The following PAFAH1B1 variants were observed in gnomAD, a reference collection of about 807,000 sequenced individuals.
The protein encoded by PAFAH1B1 is platelet activating factor acetylhydrolase 1b regulatory subunit 1, also known as platelet-activating factor acetylhydrolase IB subunit beta.
A neutral mutation model predicts 57.5 loss-of-function variants in PAFAH1B1; 2 were observed. That is an observed-to-expected ratio of 0.03 (90% confidence interval 0.01 to 0.11). PAFAH1B1 has a LOEUF of 0.11. Among genes scored for constraint, PAFAH1B1 ranks in the 10% least tolerant of loss-of-function variants. The probability of loss-of-function intolerance (pLI) is 1.00; values close to 1 mark genes in which losing one functional copy is unlikely to be tolerated. For synonymous variants in PAFAH1B1, 152 were observed against 169.6 expected, an observed-to-expected ratio of 0.90 and a Z score of 0.81; for missense variants, 257 against 512.0, an observed-to-expected ratio of 0.50 and a Z score of 4.81.
At chr17:2,629,831 A>G (rs556242237) in intron 1 of PAFAH1B1, among the ~76,000 whole-genome samples, 9 of 152,340 alleles carry the variant, frequency 5.9e-5, no homozygotes, top group Non-Finnish European at 1.3e-4. Context: ...TTACTATTAT[A>G]TAACGTCCCT....
chr17:2,603,650 T>A (rs1261361027), intron 1 of PAFAH1B1, among the ~76,000 whole-genome samples: 2 of 151,838 alleles, frequency 1.3e-5, no homozygotes, highest in East Asian at 3.9e-4. Flanking sequence ...TGTATATATG[T>A]ATACACACAC....
chr17:2,603,602 A>C (rs1455933900), intron 1 of PAFAH1B1, among the ~76,000 whole-genome samples: 1 of 152,142 alleles, frequency 6.6e-6, no homozygotes, highest in Non-Finnish European at 1.5e-5. Context: ...GCCTGGGCAA[A>C]AAGAGCAAAA....
At chr17:2,648,189 A>C (rs193286003) in intron 2 of PAFAH1B1, among the ~76,000 whole-genome samples, 54 of 152,170 alleles carry the variant, frequency 3.5e-4, no homozygotes, top group Non-Finnish European at 6.5e-4. Context: ...AAGCCATTAG[A>C]TCTCATGAGA....
At chr17:2,665,622 G>A (rs1356316435) in intron 3 of PAFAH1B1, among the ~76,000 whole-genome samples, 166 bp downstream of exon 3, 2 of 151,224 alleles carry the variant, frequency 1.3e-5, no homozygotes, top group Non-Finnish European at 2.9e-5. Flanking sequence ...TAATTTTTGA[G>A]ATGGAGTCTC....
At position 2,684,410 on chromosome 17, in the gene PAFAH1B1, CTTTTAT is replaced by C. The variant is rs1567566629; in HGVS notation, c.*2610_*2615del. 1 of 152,574 alleles carries C rather than the reference CTTTTAT, an allele frequency of 6.6e-6. No individual in the cohort carries two copies. The allele number at this position is 152,574 out of a possible 1,614,324, so 9.5% of individuals were successfully genotyped here. On this transcript the variant is annotated 3_prime_UTR_variant, in exon 11 of 11. Transcript: ENST00000397195. ...ACTGGTTTGGATTGTAAGTAGAGGACTTTTATTAATTGGTTTAGAGGTTCACTGCTG... is the reference window on the plus strand; with the variant it reads ...ACTGGTTTGGATTGTAAGTAGAGGACTAATTGGTTTAGAGGTTCACTGCTG...
intron 2 of PAFAH1B1, among the ~76,000 whole-genome samples, chr17:2,655,486 C>T (rs1282305944): frequency 6.6e-6 from 1 of 152,060 alleles, no homozygotes; most frequent in East Asian, 1.9e-4. Context: ...TCAGCCTGAC[C>T]AACATGGAGA....
chr17:2,611,842 T>C (rs1253888258), intron 1 of PAFAH1B1, among the ~76,000 whole-genome samples: 1 of 152,130 alleles, frequency 6.6e-6, no homozygotes. Context: ...GGGCAGATAA[T>C]TACAGTGTAT....
rs536504044 is a variant in PAFAH1B1 at position 2,610,450 on chromosome 17, T to G, written c.-191+16444T>G. 3.9e-5 allele frequency among the ~76,000 whole-genome samples: 6 copies of G among 152,314 alleles called. No individual in the cohort carries two copies. The South Asian group carries it at 1.2e-3, about 32-fold the overall frequency. On this transcript the variant is annotated intron_variant, in intron 1 of 10. Transcript: ENST00000397195. The stretch of plus-strand genomic sequence containing the variant: ...AGGAGAGAAAAACTTGGTAGTTTAT[T>G]TTTTTACAGTGTCCTTAAGATACAA...
At chr17:2,618,805 G>C (rs1311447954) in intron 1 of PAFAH1B1, among the ~76,000 whole-genome samples, 1 of 150,188 alleles carries the variant, frequency 6.7e-6, no homozygotes, top group African/African-American at 2.4e-5. Context: ...TCGCTCACTT[G>C]GGAGGCCGAG....
chr17:2,680,247 A>G lies in PAFAH1B1; in HGVS notation c.1086A>G (p.Leu362=), dbSNP rs2069359915. The G allele has an allele frequency of 1.9e-6, 3 of 1,613,968 alleles. No individual in the cohort carries two copies. Among genetic ancestry groups the G allele is most frequent in the Non-Finnish European group, 1.7e-6 (2 of 1,179,858 alleles). Residue 362 remains leucine, a synonymous_variant, in exon 10 of 11, where the codon CTA becomes CTG. Transcript: ENST00000397195. ...TGAGTTGTGCTGATGACAAGACCCT[A>G]CGCGTATGGGATTACAAGAACAAGC... ...FILSCADDKT[L]RVWDYKNKRC... is the part of the protein sequence containing the mutation.
chr17:2,626,247 G>A (rs898157871), intron 1 of PAFAH1B1, among the ~76,000 whole-genome samples: 3 of 150,090 alleles, frequency 2.0e-5, no homozygotes, highest in African/African-American at 4.9e-5. Flanking sequence ...GTGAGACTCC[G>A]TCTCAAAAAA....
intron 8 of PAFAH1B1, 97 bp downstream of exon 8, chr17:2,674,385 T>G: frequency 1.2e-6 from 1 of 846,486 alleles, no homozygotes; most frequent in South Asian, 1.4e-5. Flanking sequence ...TTAATGCATT[T>G]AAAAATCTGC....
chr17:2,685,574 T>C lies in PAFAH1B1; in HGVS notation c.*3772T>C, dbSNP rs1190586771. 1 of 152,192 alleles carries C rather than the reference T, an allele frequency of 6.6e-6. No homozygotes were observed. Among genetic ancestry groups the C allele is most frequent in the Non-Finnish European group, 1.5e-5 (1 of 68,022 alleles). The allele number at this position is 152,192 out of a possible 1,614,324, so 9.4% of individuals were successfully genotyped here. A position where few individuals can be genotyped will look rare whatever the true frequency, so the allele number is the denominator to read the frequency against. ...CATGTTTTCTGCATATTAAAAAATC[T>C]TATTGTACCAACTGGTAAACTATTA... On this transcript the variant is annotated 3_prime_UTR_variant, in exon 11 of 11. Coordinates refer to ENST00000397195, the MANE Select transcript of PAFAH1B1 (RefSeq NM_000430.4).
intron 1 of PAFAH1B1, among the ~76,000 whole-genome samples, chr17:2,600,808 C>T (rs2068134643): frequency 6.6e-6 from 1 of 152,028 alleles, no homozygotes; most frequent in Admixed American, 6.6e-5. Context: ...CGGCTCACTG[C>T]AACCTCCGCC....
chr17:2,658,499 A>T lies in PAFAH1B1; in HGVS notation c.33-6873A>T, dbSNP rs1425803730. ...TTAAAAAGTGCAGTGTGATATACTT[A>T]ACTGGTAGATCATTTTTGGCTTTTG... On this transcript the variant is annotated intron_variant, in intron 2 of 10. Transcript: ENST00000397195. Among the ~76,000 whole-genome samples, 3 of 152,288 alleles carry T rather than the reference A, an allele frequency of 2.0e-5. No individual in the cohort carries two copies. The East Asian group carries it at 5.8e-4, about 29-fold the overall frequency.
chr17:2,659,559 G>C (rs1439734537), intron 2 of PAFAH1B1: 1 of 180,894 alleles, frequency 5.5e-6, no homozygotes, highest in Non-Finnish European at 1.2e-5. Flanking sequence ...TTGGCTGGGC[G>C]TGGTGGCTGA....
chr17:2,645,065 G>A (rs2068748966), intron 2 of PAFAH1B1, among the ~76,000 whole-genome samples: 1 of 152,006 alleles, frequency 6.6e-6, no homozygotes, highest in Non-Finnish European at 1.5e-5. Context: ...TGGGCAACCT[G>A]GTGAAACCCC....
rs1328827347 is a variant in PAFAH1B1, at chr17:2,682,977, C to G, written c.*1175C>G. The G allele has an allele frequency of 6.6e-6, 1 of 152,608 alleles. No individual in the cohort carries two copies. The highest frequency in any genetic ancestry group is 1.9e-4 in the East Asian group (1 of 5,200). The allele number at this position is 152,608 out of a possible 1,614,324, so 9.5% of individuals were successfully genotyped here. A position where few individuals can be genotyped will look rare whatever the true frequency, so the allele number is the denominator to read the frequency against. ...TATCATACACATCAACCTCCATGTC[C>G]TTAGTCCTGGGTTTTTGAAAAAGTG... On this transcript the variant is annotated 3_prime_UTR_variant, in exon 11 of 11. Transcript: ENST00000397195.
chr17:2,678,935 G>A (rs576162219), intron 9 of PAFAH1B1, among the ~76,000 whole-genome samples: 7 of 152,134 alleles, frequency 4.6e-5, no homozygotes, highest in South Asian at 4.1e-4. Context: ...ACTATCCAGC[G>A]TGGTAGCTAC....
Sources: allele counts gnomAD v4.1 joint callset (sites outside exome capture counted in the v4.1 genomes callset), GRCh38; gene constraint gnomAD v4.1.1; transcripts MANE v1.5; gene names NCBI Gene and HGNC (gene_info 2026-07-23, HGNC 2026-07-21).